ATXN1: variants seen among roughly 807,000 people sequenced by gnomAD.
ATXN1 encodes ataxin-1.
Under a neutral mutation model 56.4 loss-of-function variants are expected in ATXN1, and 8 were observed. The ratio of observed to expected loss-of-function variants is 0.14; its 90% confidence interval spans 0.08 to 0.26. The LOEUF (loss-of-function observed/expected upper bound fraction) is 0.26, where lower values mean the gene tolerates loss of function less well. ATXN1 is among the 10% of genes least tolerant of loss of function. ATXN1 has a pLI of 1.00. For synonymous variants in ATXN1, 514 were observed against 494.6 expected, an observed-to-expected ratio of 1.04 and a Z score of -0.52; for missense variants, 987 against 1,106.5, an observed-to-expected ratio of 0.89 and a Z score of 1.53.
intron 6 of ATXN1, among the ~76,000 whole-genome samples, chr6:16,336,404 G>A (rs1008915512): frequency 6.6e-6 from 1 of 152,188 alleles, no homozygotes; most frequent in Non-Finnish European, 1.5e-5. Context: ...AACTGCAGCT[G>A]GTGAGACGTT....
chr6:16,560,775 T>C (rs533053833), intron 4 of ATXN1, among the ~76,000 whole-genome samples: 163 of 152,308 alleles, frequency 1.1e-3, no homozygotes, highest in Non-Finnish European at 1.6e-3. Context: ...ACAAAAGAGG[T>C]GGTAAAGCTT....
chr6:16,479,597 T>C (rs920515359), intron 6 of ATXN1, among the ~76,000 whole-genome samples: 9 of 152,250 alleles, frequency 5.9e-5, no homozygotes, highest in Non-Finnish European at 1.2e-4. Context: ...ATTTATGTGT[T>C]GTTAAGAACC....
intron 6 of ATXN1, among the ~76,000 whole-genome samples, chr6:16,335,084 C>T (rs1458682379): frequency 6.6e-6 from 1 of 152,224 alleles, no homozygotes; most frequent in East Asian, 1.9e-4. Flanking sequence ...GAACTACTTA[C>T]TCTACATTTT....
At chr6:16,565,596 C>A (rs1229166900) in intron 4 of ATXN1, among the ~76,000 whole-genome samples, 2 of 152,108 alleles carry the variant, frequency 1.3e-5, no homozygotes, top group African/African-American at 4.8e-5. Flanking sequence ...TCCACATGAA[C>A]CAGAAGGTCT....
At chr6:16,398,556 G>A (rs1175483911) in intron 6 of ATXN1, among the ~76,000 whole-genome samples, 1 of 152,128 alleles carries the variant, frequency 6.6e-6, no homozygotes, top group Non-Finnish European at 1.5e-5. Context: ...ATATGAACAT[G>A]TGTGCACTCT....
intron 6 of ATXN1, among the ~76,000 whole-genome samples, chr6:16,454,873 A>G (rs1267861195): frequency 2.6e-5 from 4 of 152,252 alleles, no homozygotes; most frequent in Non-Finnish European, 5.9e-5. Context: ...AAAAAGAACT[A>G]AAAGCTGTGA....
At chr6:16,543,652 AAGAG>A (rs1554114383) in intron 4 of ATXN1, among the ~76,000 whole-genome samples, 2 of 143,564 alleles carry the variant, frequency 1.4e-5, no homozygotes, top group Non-Finnish European at 1.5e-5. Context: ...AAAAAAAAAA[AAGAG>A]AGAGAGAGAG....
intron 6 of ATXN1, among the ~76,000 whole-genome samples, chr6:16,461,747 CAG>C (rs1760003158): frequency 6.6e-6 from 1 of 152,218 alleles, no homozygotes; most frequent in African/African-American, 2.4e-5. Context: ...CACGGTAACT[CAG>C]GGAATTTCCA....
intron 6 of ATXN1, among the ~76,000 whole-genome samples, chr6:16,419,412 C>T (rs11754283): frequency 0.1 from 15,815 of 151,912 alleles, 1,069 homozygotes; most frequent in Non-Finnish European, 0.15. Flanking sequence ...GCCTGGTAAT[C>T]ATATACTCTT....
At chr6:16,660,836 T>G (rs1457176586) in intron 2 of ATXN1, among the ~76,000 whole-genome samples, 1 of 143,214 alleles carries the variant, frequency 7.0e-6, no homozygotes, top group African/African-American at 2.7e-5. Context: ...GTTTTGGTTT[T>G]TTTTTTTTTT....
chr6:16,619,662 T>C (rs1042708401), intron 3 of ATXN1, among the ~76,000 whole-genome samples: 1 of 152,236 alleles, frequency 6.6e-6, no homozygotes, highest in Admixed American at 6.5e-5. Context: ...CCAGTTTTTC[T>C]AAATGAATAT....
intron 5 of ATXN1, among the ~76,000 whole-genome samples, chr6:16,493,680 G>T (rs1760714451): frequency 6.6e-6 from 1 of 152,058 alleles, no homozygotes; most frequent in Non-Finnish European, 1.5e-5. Flanking sequence ...TTGATTAACT[G>T]ATTGATAACA....
intron 5 of ATXN1, among the ~76,000 whole-genome samples, chr6:16,497,255 G>A (rs1216977095): frequency 6.6e-6 from 1 of 151,542 alleles, no homozygotes; most frequent in Non-Finnish European, 1.5e-5. Context: ...AATTCAGATT[G>A]CAGCATTCCT....
At chr6:16,594,384 A>G (rs1278906036) in intron 3 of ATXN1, among the ~76,000 whole-genome samples, 1 of 151,686 alleles carries the variant, frequency 6.6e-6, no homozygotes, top group Non-Finnish European at 1.5e-5. Context: ...GCACCCCACC[A>G]TTTTTTAAAA....
chr6:16,451,169 T>C (rs1280630323), intron 6 of ATXN1, among the ~76,000 whole-genome samples: 1 of 152,082 alleles, frequency 6.6e-6, no homozygotes, highest in African/African-American at 2.4e-5. Context: ...TTATATAGGA[T>C]TGAAAATAGT....
intron 2 of ATXN1, among the ~76,000 whole-genome samples, chr6:16,722,225 G>T (rs1234881326): frequency 6.6e-6 from 1 of 152,174 alleles, no homozygotes; most frequent in Non-Finnish European, 1.5e-5. Flanking sequence ...GCAGGGGGCG[G>T]CTGTAAGCCA....
intron 5 of ATXN1, among the ~76,000 whole-genome samples, chr6:16,521,262 T>TA (rs953514887): frequency 4.6e-5 from 7 of 152,074 alleles, no homozygotes; most frequent in African/African-American, 7.2e-5. Flanking sequence ...AACATAACTT[T>TA]AAAAAAAACG....
chr6:16,680,941 C>T (rs775474515), intron 2 of ATXN1, among the ~76,000 whole-genome samples: 2 of 152,040 alleles, frequency 1.3e-5, no homozygotes, highest in Non-Finnish European at 2.9e-5. Context: ...TAGCCTCTAT[C>T]GATTGAGTGA....
intron 3 of ATXN1, among the ~76,000 whole-genome samples, chr6:16,628,415 T>C (rs9464929): frequency 0.01 from 1,539 of 152,318 alleles, 31 homozygotes; most frequent in African/African-American, 0.035. Flanking sequence ...AGCAAAACCA[T>C]ATTTCACACA....
Sources: allele counts gnomAD v4.1 joint callset (sites outside exome capture counted in the v4.1 genomes callset), GRCh38; gene constraint gnomAD v4.1.1; transcripts MANE v1.5; gene names NCBI Gene and HGNC (gene_info 2026-07-23, HGNC 2026-07-21).